ZC3H12B: variants seen among roughly 807,000 people sequenced by gnomAD.
ZC3H12B encodes the protein probable ribonuclease ZC3H12B.
Under a neutral mutation model 43.9 loss-of-function variants are expected in ZC3H12B, and 7 were observed. The observed-to-expected ratio is 0.16, with a 90% confidence interval of 0.09 to 0.30. The LOEUF is 0.30. Ranked by LOEUF, ZC3H12B falls within the 10% of genes least tolerant of loss-of-function variation. The pLI, the probability that ZC3H12B is intolerant of heterozygous loss-of-function variation, is 1.00. For synonymous variants in ZC3H12B, 222 were observed against 241.7 expected, an observed-to-expected ratio of 0.92 and a Z score of 0.76; for missense variants, 475 against 670.2, an observed-to-expected ratio of 0.71 and a Z score of 3.22.
At chrX:65,385,207 G>A (rs1049696831) in intron 2 of ZC3H12B, among the ~76,000 whole-genome samples, 5 of 112,115 alleles carry the variant, frequency 4.5e-5, no homozygotes, top group Admixed American at 9.5e-5. Flanking sequence ...TAGCACGATG[G>A]GGATGGCATT....
At chrX:65,244,997 A>T in the ZC3H12B span, among the ~76,000 whole-genome samples, 1 of 111,171 alleles carries the variant, frequency 9.0e-6, no homozygotes, top group Admixed American at 9.6e-5. Flanking sequence ...GTTGCCTGAA[A>T]TATGACATAT....
the ZC3H12B span, among the ~76,000 whole-genome samples, chrX:65,160,005 C>T: frequency 2.1e-4 from 24 of 111,990 alleles, no homozygotes; most frequent in Admixed American, 4.7e-4. Flanking sequence ...GCCTTTTCTG[C>T]ATCTATTGAG....
chrX:65,084,598 C>CA, the ZC3H12B span, among the ~76,000 whole-genome samples: 2 of 112,309 alleles, frequency 1.8e-5, no homozygotes, highest in African/African-American at 6.5e-5. Context: ...ATTTAAATGA[C>CA]AGAGAATAAC....
intron 3 of ZC3H12B, among the ~76,000 whole-genome samples, chrX:65,401,723 C>T (rs977550698): frequency 9.0e-6 from 1 of 111,612 alleles, no homozygotes; most frequent in Non-Finnish European, 1.9e-5. Flanking sequence ...GAGGACTTTG[C>T]CTTGCATCTT....
the ZC3H12B span, among the ~76,000 whole-genome samples, chrX:65,065,924 T>C: frequency 2.8e-5 from 3 of 106,585 alleles, no homozygotes; most frequent in South Asian, 1.3e-3. Flanking sequence ...CTTCTTCTGC[T>C]TGATCAATTT....
intron 2 of ZC3H12B, among the ~76,000 whole-genome samples, chrX:65,397,124 C>T (rs1270618815): frequency 9.0e-6 from 1 of 111,623 alleles, no homozygotes; most frequent in Non-Finnish European, 1.9e-5. Context: ...CTCCTCAATA[C>T]TGCACACCGA....
chrX:65,110,798 TAA>T, the ZC3H12B span, among the ~76,000 whole-genome samples: 5 of 111,729 alleles, frequency 4.5e-5, no homozygotes, highest in African/African-American at 6.5e-5. Context: ...GGAATTGTGT[TAA>T]GTCTGTATAT....
the ZC3H12B span, among the ~76,000 whole-genome samples, chrX:65,152,250 G>T: frequency 9.0e-6 from 1 of 111,411 alleles, no homozygotes; most frequent in East Asian, 2.8e-4. Flanking sequence ...GGCAGGAGAA[G>T]GAAATAAAGG....
chrX:65,455,995 A>C (rs1209425452), intron 3 of ZC3H12B, among the ~76,000 whole-genome samples: 1 of 112,130 alleles, frequency 8.9e-6, no homozygotes, highest in African/African-American at 3.2e-5. Flanking sequence ...CATGGGAAGG[A>C]ACAAATGGTA....
the ZC3H12B span, among the ~76,000 whole-genome samples, chrX:65,278,604 C>G: frequency 1.4e-3 from 156 of 111,532 alleles, 1 homozygote; most frequent in African/African-American, 5.0e-3. Flanking sequence ...AAAACTGAAT[C>G]AGTAATACAG....
At chrX:65,259,314 A>C in the ZC3H12B span, among the ~76,000 whole-genome samples, 1 of 112,369 alleles carries the variant, frequency 8.9e-6, no homozygotes, top group African/African-American at 3.2e-5. Context: ...GCAATGAGGA[A>C]AAAATTCTCT....
the ZC3H12B span, among the ~76,000 whole-genome samples, chrX:65,278,311 A>G: frequency 1.2e-4 from 13 of 111,628 alleles, no homozygotes; most frequent in Admixed American, 1.2e-3. Flanking sequence ...ACAGTTTACA[A>G]CTGCCATGGC....
At chrX:65,409,810 A>T (rs1370489159) in intron 3 of ZC3H12B, among the ~76,000 whole-genome samples, 1 of 111,674 alleles carries the variant, frequency 9.0e-6, no homozygotes, top group Non-Finnish European at 1.9e-5. Context: ...AAGAAATTGA[A>T]GAGGACACCA....
At chrX:65,169,074 A>G in the ZC3H12B span, among the ~76,000 whole-genome samples, 3 of 111,144 alleles carry the variant, frequency 2.7e-5, no homozygotes, top group Non-Finnish European at 3.8e-5. Flanking sequence ...GCCTTCTGCT[A>G]GCTTTTGAAT....
the ZC3H12B span, among the ~76,000 whole-genome samples, chrX:65,262,095 T>A: frequency 9.0e-6 from 1 of 111,011 alleles, no homozygotes; most frequent in Non-Finnish European, 1.9e-5. Context: ...GAAGTAGACT[T>A]ATTTGAAAGG....
chrX:65,386,363 G>T (rs766593789), intron 2 of ZC3H12B, among the ~76,000 whole-genome samples: 23 of 111,411 alleles, frequency 2.1e-4, no homozygotes, highest in Non-Finnish European at 4.1e-4. Flanking sequence ...CTTCTTCCTG[G>T]TTTAGTCTTG....
chrX:65,118,628 C>A, the ZC3H12B span, among the ~76,000 whole-genome samples: 2 of 111,002 alleles, frequency 1.8e-5, no homozygotes, highest in Non-Finnish European at 3.8e-5. Flanking sequence ...AGAGGACATA[C>A]CTGTCTTGTG....
chrX:65,043,228 G>T, the ZC3H12B span, among the ~76,000 whole-genome samples: 1 of 110,881 alleles, frequency 9.0e-6, no homozygotes, highest in African/African-American at 3.3e-5. Context: ...AGAATCTCAA[G>T]TAGTGTCTAC....
the ZC3H12B span, among the ~76,000 whole-genome samples, chrX:65,351,180 A>T: frequency 7.2e-5 from 8 of 111,491 alleles, no homozygotes; most frequent in East Asian, 2.0e-3. Context: ...CATCTACAAC[A>T]ATCTGATCTT....
Sources: gnomAD v4.1 joint callset for allele counts (sites outside exome capture counted in the v4.1 genomes callset) on GRCh38, gnomAD v4.1.1 for gene constraint, MANE v1.5 for transcripts, NCBI Gene and HGNC (gene_info 2026-07-23, HGNC 2026-07-21) for gene names.